Variants in PPM1E observed in about 807,000 individuals in gnomAD.
PPM1E encodes protein phosphatase, Mg2+/Mn2+ dependent 1E, also known as protein phosphatase 1E.
In PPM1E, 20 loss-of-function variants were observed where a neutral mutation model predicts 65.9. The observed-to-expected ratio is 0.30, with a 90% CI of 0.21 to 0.44. PPM1E has a LOEUF of 0.44. Ranked by LOEUF, PPM1E falls within the 20% of genes least tolerant of loss-of-function variation. The probability of loss-of-function intolerance (pLI) is 1.00; values close to 1 mark genes in which losing one functional copy is unlikely to be tolerated. For missense variants in PPM1E, 713 were observed against 953.1 expected (o/e 0.75, Z 3.32); for synonymous variants, 352 against 374.9 (o/e 0.94, Z 0.70).
intron 1 of PPM1E, among the ~76,000 whole-genome samples, chr17:58,807,697 T>C (rs1261396718): frequency 6.6e-6 from 1 of 152,128 alleles, no homozygotes; most frequent in Non-Finnish European, 1.5e-5. Context: ...CACAAATGGA[T>C]AAGGAAAAGA....
At chr17:58,805,952 AAAAAAAAAC>A (rs1330445780) in intron 1 of PPM1E, among the ~76,000 whole-genome samples, 46 of 98,120 alleles carry the variant, frequency 4.7e-4, no homozygotes, top group African/African-American at 2.0e-3. Context: ...GTTCTGCTAA[AAAAAAAAAC>A]AAAAAAAAAA....
At chr17:58,805,961 C>CAAAAAAAAAAAAAAAAAAAAAA (rs71367632) in intron 1 of PPM1E, among the ~76,000 whole-genome samples, 1 of 69,816 alleles carries the variant, frequency 1.4e-5, no homozygotes, top group Non-Finnish European at 2.7e-5. Flanking sequence ...AAAAAAAAAA[C>CAAAAAAAAAAAAAAAAAAAAAA]AAAAAAAAAA....
chr17:58,773,666 ACTGAG>A (rs1223517252), intron 1 of PPM1E, among the ~76,000 whole-genome samples: 2 of 152,206 alleles, frequency 1.3e-5, no homozygotes, highest in East Asian at 3.8e-4. Context: ...CATATGAGGC[ACTGAG>A]TTAATATTTA....
At chr17:58,901,803 C>T (rs1013397370) in intron 1 of PPM1E, among the ~76,000 whole-genome samples, 30 of 151,936 alleles carry the variant, frequency 2.0e-4, no homozygotes, top group African/African-American at 6.5e-4. Flanking sequence ...ATAGAGATAC[C>T]GTGTCTCTAC....
chr17:58,801,719 G>A (rs1171853794), intron 1 of PPM1E, among the ~76,000 whole-genome samples: 1 of 150,860 alleles, frequency 6.6e-6, no homozygotes, highest in Non-Finnish European at 1.5e-5. Flanking sequence ...GGGATTACAG[G>A]TTTGAGCCAC....
At chr17:58,869,810 AG>A (rs1434287713) in intron 1 of PPM1E, among the ~76,000 whole-genome samples, 1 of 152,212 alleles carries the variant, frequency 6.6e-6, no homozygotes, top group African/African-American at 2.4e-5. Context: ...GCAGTGTTGC[AG>A]GCCCATTCAC....
intron 1 of PPM1E, among the ~76,000 whole-genome samples, chr17:58,804,600 G>T (rs2143066035): frequency 6.6e-6 from 1 of 152,148 alleles, no homozygotes; most frequent in Admixed American, 6.5e-5. Context: ...TATAATAAAT[G>T]TTAAAGATAT....
At chr17:58,817,844 T>A (rs1055503135) in intron 1 of PPM1E, among the ~76,000 whole-genome samples, 10 of 151,952 alleles carry the variant, frequency 6.6e-5, no homozygotes, top group Non-Finnish European at 1.3e-4. Flanking sequence ...CTCCGCCTCC[T>A]GAGTTCACGC....
chr17:58,931,066 TAAA>T (rs774968022), intron 1 of PPM1E, among the ~76,000 whole-genome samples: 2 of 83,148 alleles, frequency 2.4e-5, no homozygotes, highest in Non-Finnish European at 4.7e-5. Context: ...ATACAAAAAT[TAAA>T]AAAAAAAAAA....
At chr17:58,884,969 T>C (rs1196145211) in intron 1 of PPM1E, among the ~76,000 whole-genome samples, 1 of 152,160 alleles carries the variant, frequency 6.6e-6, no homozygotes, top group South Asian at 2.1e-4. Context: ...AAGTATCTTA[T>C]TTTTCTTTCA....
At chr17:58,837,658 C>T (rs765578722) in intron 1 of PPM1E, among the ~76,000 whole-genome samples, 18 of 151,934 alleles carry the variant, frequency 1.2e-4, no homozygotes, top group African/African-American at 2.2e-4. Flanking sequence ...CCACCACTCC[C>T]GGCCATTTTT....
At chr17:58,787,402 T>G (rs1214451821) in intron 1 of PPM1E, among the ~76,000 whole-genome samples, 1 of 152,212 alleles carries the variant, frequency 6.6e-6, no homozygotes, top group Non-Finnish European at 1.5e-5. Flanking sequence ...CTTCTTTTTT[T>G]TTTAACCCAC....
intron 1 of PPM1E, among the ~76,000 whole-genome samples, chr17:58,757,570 G>C (rs2049781342): frequency 6.6e-6 from 1 of 152,142 alleles, no homozygotes; most frequent in Admixed American, 6.5e-5. Flanking sequence ...TGCAAGATTC[G>C]CTGTAATTAA....
intron 1 of PPM1E, among the ~76,000 whole-genome samples, chr17:58,900,326 A>G (rs1024023808): frequency 1.8e-4 from 27 of 152,186 alleles, no homozygotes; most frequent in African/African-American, 5.8e-4. Context: ...TTGTTGTCTT[A>G]TTTTAAGAAA....
intron 1 of PPM1E, among the ~76,000 whole-genome samples, chr17:58,862,802 A>T (rs1288865538): frequency 1.3e-5 from 2 of 152,274 alleles, no homozygotes; most frequent in South Asian, 2.1e-4. Context: ...CAGAAAGTTG[A>T]CTGTAATTTG....
chr17:58,958,641 A>G (rs1334841313), intron 2 of PPM1E, among the ~76,000 whole-genome samples: 2 of 152,122 alleles, frequency 1.3e-5, no homozygotes, highest in Non-Finnish European at 2.9e-5. Context: ...AAATTAACAA[A>G]GTTTACCTAA....
chr17:58,955,451 A>C, intron 1 of PPM1E, 198 bp from the exon 2 acceptor site: 1 of 640,106 alleles, frequency 1.6e-6, no homozygotes, highest in Non-Finnish European at 2.7e-6. Flanking sequence ...TCCTTTAGGT[A>C]AGGAGCCATG....
chr17:58,922,362 C>T (rs1337957279), intron 1 of PPM1E, among the ~76,000 whole-genome samples: 1 of 151,992 alleles, frequency 6.6e-6, no homozygotes, highest in Non-Finnish European at 1.5e-5. Context: ...AAGGGATCCT[C>T]CCACCTCAGC....
chr17:58,853,380 G>T (rs915905644), intron 1 of PPM1E, among the ~76,000 whole-genome samples: 1 of 152,114 alleles, frequency 6.6e-6, no homozygotes, highest in South Asian at 2.1e-4. Flanking sequence ...TTCTCCACTG[G>T]ATGGTCTTGA....
Sources: gnomAD v4.1 joint callset for allele counts (sites outside exome capture counted in the v4.1 genomes callset) on GRCh38, gnomAD v4.1.1 for gene constraint, MANE v1.5 for transcripts, NCBI Gene and HGNC (gene_info 2026-07-23, HGNC 2026-07-21) for gene names.